RABGAP1L: variants seen among roughly 807,000 people sequenced by gnomAD.
The protein encoded by RABGAP1L is rab GTPase-activating protein 1-like.
RABGAP1L carries 63 observed loss-of-function variants against 137.7 expected under a neutral mutation model. The ratio of observed to expected loss-of-function variants is 0.46; its 90% CI spans 0.37 to 0.56. RABGAP1L has a LOEUF of 0.56. Among genes scored for constraint, RABGAP1L ranks in the 20% least tolerant of loss-of-function variants. RABGAP1L has a pLI of 0.00. For synonymous variants in RABGAP1L, 431 were observed against 433.7 expected (o/e 0.99, Z 0.08); for missense variants, 1,095 against 1,244.0 (o/e 0.88, Z 1.80).
At chr1:174,920,466 T>C (rs1197523286) in intron 19 of RABGAP1L, among the ~76,000 whole-genome samples, 1 of 152,180 alleles carries the variant, frequency 6.6e-6, no homozygotes, top group East Asian at 1.9e-4. Flanking sequence ...TCACAACACA[T>C]GGGAATTACA....
chr1:174,489,391 A>ATTTG (rs2149349165), intron 13 of RABGAP1L, among the ~76,000 whole-genome samples: 1 of 152,328 alleles, frequency 6.6e-6, no homozygotes, highest in Non-Finnish European at 1.5e-5. Flanking sequence ...CACTTCTCAA[A>ATTTG]AGAAGACATT....
intron 12 of RABGAP1L, among the ~76,000 whole-genome samples, chr1:174,377,391 C>T (rs1039463357): frequency 6.6e-6 from 1 of 151,946 alleles, no homozygotes; most frequent in African/African-American, 2.4e-5. Context: ...ACTAGAATAG[C>T]CAAAACAATT....
intron 18 of RABGAP1L, among the ~76,000 whole-genome samples, chr1:174,770,506 A>G (rs575408151): frequency 6.6e-6 from 1 of 152,222 alleles, no homozygotes; most frequent in Non-Finnish European, 1.5e-5. Context: ...TCAAGAAGGG[A>G]AGACAGTTGA....
At chr1:174,862,492 G>A (rs186891290) in intron 19 of RABGAP1L, among the ~76,000 whole-genome samples, 2 of 152,224 alleles carry the variant, frequency 1.3e-5, no homozygotes, top group Non-Finnish European at 2.9e-5. Context: ...AAGTGTAGAA[G>A]TGGGTGTAAT....
At chr1:174,598,071 C>T (rs753088567) in intron 13 of RABGAP1L, among the ~76,000 whole-genome samples, 6 of 152,072 alleles carry the variant, frequency 3.9e-5, no homozygotes, top group African/African-American at 1.4e-4. Context: ...TGGCTCACGG[C>T]TGTAATCCCA....
intron 11 of RABGAP1L, 144 bp from the exon 12 acceptor site, chr1:174,370,835 C>A: frequency 2.5e-6 from 1 of 394,554 alleles, no homozygotes. Context: ...TAATGAAATT[C>A]TTACTGTTAT....
intron 19 of RABGAP1L, among the ~76,000 whole-genome samples, chr1:174,870,539 C>T (rs537548697): frequency 6.6e-6 from 1 of 152,260 alleles, no homozygotes; most frequent in South Asian, 2.1e-4. Context: ...GAAACAGACA[C>T]ACCTGTTTTT....
rs200033988 is a variant in RABGAP1L, at chr1:174,527,199, A to ATTT, written c.1711-110174_1711-110172dup. ...TGGTCTGAGAAAACATATGATTTTT[A>ATTT]TTTTGTTTTTTTTTTTTTTTTTGAG... is the stretch of plus-strand genomic sequence containing the variant. On this transcript the variant is annotated intron_variant, in intron 13 of 25. Coordinates refer to ENST00000681986, the MANE Select transcript of RABGAP1L (RefSeq NM_001366446.1). 3.6e-4 allele frequency among the ~76,000 whole-genome samples: 39 copies of ATTT among 108,254 alleles called. 1 individual carries two copies. The East Asian group carries it at 5.1e-3, about 14-fold the overall frequency. The allele number at this position is 108,254 out of a possible 152,430, so 71.0% of individuals were successfully genotyped here. A position where few individuals can be genotyped will look rare whatever the true frequency, so the allele number is the denominator to read the frequency against.
intron 11 of RABGAP1L, among the ~76,000 whole-genome samples, chr1:174,327,233 A>G (rs1680508809): frequency 6.6e-6 from 1 of 152,222 alleles, no homozygotes. Context: ...AGGAAGGGTT[A>G]AAAGACAAAA....
At chr1:174,460,114 C>G (rs531167042) in intron 13 of RABGAP1L, among the ~76,000 whole-genome samples, 1 of 152,138 alleles carries the variant, frequency 6.6e-6, no homozygotes, top group Admixed American at 6.5e-5. Flanking sequence ...ACCAGCTTGC[C>G]CTTCCATAAT....
At chr1:174,848,431 A>G (rs1429922480) in intron 19 of RABGAP1L, among the ~76,000 whole-genome samples, 1 of 143,834 alleles carries the variant, frequency 7.0e-6, no homozygotes, top group African/African-American at 2.7e-5. Context: ...TCTGTTTGTT[A>G]GTTTTCCTTC....
intron 19 of RABGAP1L, chr1:174,897,992 A>AG (rs992054219): frequency 4.6e-5 from 7 of 151,784 alleles, no homozygotes; most frequent in African/African-American, 1.7e-4. Context: ...AAAAAAAAAA[A>AG]AAAAGAAAAG....
intron 11 of RABGAP1L, chr1:174,365,431 A>G (rs1278470242): frequency 6.6e-6 from 1 of 152,036 alleles, no homozygotes; most frequent in Non-Finnish European, 1.5e-5. Context: ...TGCATTCTAG[A>G]TGCCTTTCAA....
chr1:174,363,372 G>A (rs1378542936), intron 11 of RABGAP1L, among the ~76,000 whole-genome samples: 1 of 152,160 alleles, frequency 6.6e-6, no homozygotes, highest in African/African-American at 2.4e-5. Flanking sequence ...AATTGCACTG[G>A]GCAGTTTGGC....
chr1:174,497,976 A>G (rs1660896298), intron 13 of RABGAP1L, among the ~76,000 whole-genome samples: 1 of 152,210 alleles, frequency 6.6e-6, no homozygotes, highest in Non-Finnish European at 1.5e-5. Flanking sequence ...AGTGATCACT[A>G]TAATACCTCC....
At chr1:174,824,296 A>AT (rs937673849) in intron 19 of RABGAP1L, among the ~76,000 whole-genome samples, 25 of 152,074 alleles carry the variant, frequency 1.6e-4, no homozygotes, top group African/African-American at 5.8e-4. Flanking sequence ...TCTCAAAAAA[A>AT]ATATATAGAT....
At chr1:174,979,889 T>G (rs1253906773) in intron 23 of RABGAP1L, among the ~76,000 whole-genome samples, 2 of 152,202 alleles carry the variant, frequency 1.3e-5, no homozygotes, top group Non-Finnish European at 1.5e-5. Context: ...TAGAATTAAT[T>G]AAAGTACCAT....
At chr1:174,789,572 C>G (rs1687702119) in intron 18 of RABGAP1L, among the ~76,000 whole-genome samples, 1 of 151,988 alleles carries the variant, frequency 6.6e-6, no homozygotes, top group Admixed American at 6.6e-5. Flanking sequence ...GCATCTGCTA[C>G]ATGGGAGTGA....
chr1:174,577,377 A>G (rs546442097), intron 13 of RABGAP1L, among the ~76,000 whole-genome samples: 2 of 151,886 alleles, frequency 1.3e-5, no homozygotes, highest in Admixed American at 6.6e-5. Context: ...AAGAATTTCC[A>G]TACATTTTTG....
Sources: gnomAD v4.1 joint callset for allele counts (sites outside exome capture counted in the v4.1 genomes callset) on GRCh38, gnomAD v4.1.1 for gene constraint, MANE v1.5 for transcripts, NCBI Gene and HGNC (gene_info 2026-07-23, HGNC 2026-07-21) for gene names.